Variants in ADAMTS20 observed in about 807,000 individuals in gnomAD.
ADAMTS20 encodes the protein ADAM metallopeptidase with thrombospondin type 1 motif 20, also known as A disintegrin and metalloproteinase with thrombospondin motifs 20.
In ADAMTS20, 225 loss-of-function variants were observed where a neutral mutation model predicts 260.1. The observed-to-expected ratio is 0.87, with a 90% CI of 0.78 to 0.97. The LOEUF (loss-of-function observed/expected upper bound fraction) is 0.97, where lower values mean the gene tolerates loss of function less well. Ranked by LOEUF, ADAMTS20 falls within the 50% of genes least tolerant of loss-of-function variation. The pLI, the probability that ADAMTS20 is intolerant of heterozygous loss-of-function variation, is 0.00. For synonymous variants in ADAMTS20, 802 were observed against 769.5 expected, an observed-to-expected ratio of 1.04 and a Z score of -0.70; for missense variants, 2,400 against 2,337.7, an observed-to-expected ratio of 1.03 and a Z score of -0.55.
chr12:43,436,464 C>A (rs956655892), intron 18 of ADAMTS20, among the ~76,000 whole-genome samples: 7 of 148,610 alleles, frequency 4.7e-5, no homozygotes, highest in African/African-American at 1.8e-4. Flanking sequence ...ATTTTAATAA[C>A]CTTTATGTTT....
intron 38 of ADAMTS20, among the ~76,000 whole-genome samples, chr12:43,354,851 C>T (rs1462860907): frequency 6.6e-6 from 1 of 152,078 alleles, no homozygotes; most frequent in Non-Finnish European, 1.5e-5. Context: ...AAAAACTGGG[C>T]TGAAAGCAAT....
In ADAMTS20 at chr12:43,430,433, A is replaced by ATC; in HGVS notation, c.3298_3299dup (p.Asp1100GlufsTer9). ...TAGCTAGCTCATTGACACATTTAAC[A>ATC]TCTCGCATCTGATACCCATGTCCAC... On this transcript the variant is annotated frameshift_variant, in exon 23 of 39. Transcript: ENST00000389420. LOFTEE classifies it high-confidence loss of function. 1 of 1,613,184 alleles carries ATC rather than the reference A, an allele frequency of 6.2e-7. No individual in the cohort carries two copies.
chr12:43,480,631 A>G (rs1285571904), intron 7 of ADAMTS20, among the ~76,000 whole-genome samples: 1 of 152,200 alleles, frequency 6.6e-6, no homozygotes, highest in Non-Finnish European at 1.5e-5. Context: ...CCTTTAAAGA[A>G]GAAGAACATT....
chr12:43,373,969 G>T (rs948638225), intron 36 of ADAMTS20, among the ~76,000 whole-genome samples: 4 of 151,842 alleles, frequency 2.6e-5, no homozygotes, highest in Non-Finnish European at 5.9e-5. Flanking sequence ...GTGAGTCACC[G>T]CGCCCGGCCG....
chr12:43,427,158 G>A lies in ADAMTS20; in HGVS notation c.4107+150C>T, dbSNP rs1941348173. 2.1e-5 allele frequency: 17 copies of A among 819,044 alleles called. No homozygotes were observed. The South Asian group carries it at 2.9e-4, about 14-fold the overall frequency. The allele number at this position is 819,044 out of a possible 1,614,324, so 50.7% of individuals were successfully genotyped here. A position where few individuals can be genotyped will look rare whatever the true frequency, so the allele number is the denominator to read the frequency against. On this transcript the variant is annotated intron_variant, in intron 27 of 38. Coordinates refer to ENST00000389420, the MANE Select transcript of ADAMTS20 (RefSeq NM_025003.5). ...ACTGCATTCCAGCCTGGGCAACAGA[G>A]TGAGACCCTGTCTCCAAAAACAAAA...
At chr12:43,375,690 A>G (rs1940211274) in intron 35 of ADAMTS20, among the ~76,000 whole-genome samples, 178 bp from the exon 36 acceptor site, 1 of 152,252 alleles carries the variant, frequency 6.6e-6, no homozygotes, top group Admixed American at 6.5e-5. Flanking sequence ...TCAATGAAAC[A>G]TCTAAGAAGA....
intron 3 of ADAMTS20, among the ~76,000 whole-genome samples, chr12:43,531,737 C>T (rs1943223808): frequency 6.6e-6 from 1 of 151,940 alleles, no homozygotes; most frequent in South Asian, 2.1e-4. Context: ...AATAACAATG[C>T]AGTGTATTCT....
chr12:43,402,433 G>C (rs1391012994), intron 28 of ADAMTS20, among the ~76,000 whole-genome samples: 2 of 151,826 alleles, frequency 1.3e-5, no homozygotes, highest in East Asian at 3.8e-4. Context: ...ATCTGAAGAG[G>C]GTAAGTACAG....
chr12:43,503,190 C>T (rs1354416852), intron 3 of ADAMTS20, among the ~76,000 whole-genome samples: 2 of 152,072 alleles, frequency 1.3e-5, no homozygotes, highest in Admixed American at 1.3e-4. Flanking sequence ...TATTTCTCTC[C>T]CCTTCATTTT....
intron 37 of ADAMTS20, among the ~76,000 whole-genome samples, chr12:43,366,925 G>C (rs1346237946): frequency 6.6e-6 from 1 of 151,802 alleles, no homozygotes; most frequent in Non-Finnish European, 1.5e-5. Context: ...GGAATACTAT[G>C]AACAATGTGT....
Position 43,369,275 on chromosome 12 carries a change from A to G in ADAMTS20, c.5538+15T>C. On this transcript the variant is annotated intron_variant, in intron 37 of 38. Transcript: ENST00000389420. The stretch of plus-strand genomic sequence containing the variant: ...TTCACAAAGAAAGAAAATTAATCAA[A>G]CAAATATGAAATACCTGTGGGCATC... 6.9e-7 allele frequency: 1 copy of G among 1,447,934 alleles called. No homozygotes were observed. The highest frequency in any genetic ancestry group is 9.1e-7 in the Non-Finnish European group (1 of 1,094,590). 89.7% of individuals were successfully genotyped at this position (1,447,934 alleles called of 1,614,324 possible). A position where few individuals can be genotyped will look rare whatever the true frequency, so the allele number is the denominator to read the frequency against.
intron 37 of ADAMTS20, 82 bp from the exon 38 acceptor site, chr12:43,356,670 G>C (rs568892289): frequency 1.1e-6 from 1 of 932,578 alleles, no homozygotes; most frequent in African/African-American, 1.6e-5. Flanking sequence ...ATTGCAAGGG[G>C]CAACTGAATT....
intron 28 of ADAMTS20, among the ~76,000 whole-genome samples, chr12:43,408,498 C>G (rs1940961774): frequency 6.6e-6 from 1 of 152,142 alleles, no homozygotes; most frequent in African/African-American, 2.4e-5. Flanking sequence ...TGGGAGTTAA[C>G]AGCCATAAAG....
In ADAMTS20 at chr12:43,492,591, T is replaced by C; in HGVS notation, c.990A>G (p.Leu330=). 6.2e-7 allele frequency: 1 copy of C among 1,613,794 alleles called. No homozygotes were observed. The highest frequency in any genetic ancestry group is 8.5e-7 in the Non-Finnish European group (1 of 1,179,814). ...PVINFDGATT[L]KNFCSWQQTQ... ...TTTGTTGCCATGAACAAAAGTTCTT[T>C]AATGTGGTAGCACCATCAAAATTAA... Residue 330 remains leucine (L), a synonymous_variant, in exon 6 of 39, where the codon TTA becomes TTG. Coordinates refer to ENST00000389420, the MANE Select transcript of ADAMTS20 (RefSeq NM_025003.5).
At chr12:43,436,510 A>G (rs1941558758) in intron 18 of ADAMTS20, among the ~76,000 whole-genome samples, 1 of 152,144 alleles carries the variant, frequency 6.6e-6, no homozygotes, top group African/African-American at 2.4e-5. Flanking sequence ...TGAACATATC[A>G]ATATAAAATT....
chr12:43,528,892 C>A (rs1165706652), intron 3 of ADAMTS20, among the ~76,000 whole-genome samples: 3 of 152,022 alleles, frequency 2.0e-5, no homozygotes, highest in Non-Finnish European at 4.4e-5. Context: ...AATATATTTG[C>A]AAACTATGCA....
At chr12:43,502,088 CAT>C in intron 4 of ADAMTS20, 62 bp downstream of exon 4, 4 of 1,420,874 alleles carry the variant, frequency 2.8e-6, no homozygotes, top group Non-Finnish European at 3.7e-6. Context: ...TTTAATTCGA[CAT>C]GAAAAAATTT....
intron 3 of ADAMTS20, among the ~76,000 whole-genome samples, chr12:43,503,278 A>C (rs941485598): frequency 6.6e-6 from 1 of 152,124 alleles, no homozygotes; most frequent in African/African-American, 2.4e-5. Flanking sequence ...TGGTATTTTC[A>C]ATAGAAAAGC....
chr12:43,375,041 G>A (rs527644539), intron 36 of ADAMTS20, among the ~76,000 whole-genome samples: 20 of 152,152 alleles, frequency 1.3e-4, no homozygotes, highest in Admixed American at 2.6e-4. Flanking sequence ...GCATGGTGGC[G>A]TGTGCCTGTA....
Sources: allele counts gnomAD v4.1 joint callset (sites outside exome capture counted in the v4.1 genomes callset), GRCh38; gene constraint gnomAD v4.1.1; transcripts MANE v1.5; gene names NCBI Gene and HGNC (gene_info 2026-07-23, HGNC 2026-07-21).